GPC6: variants seen among roughly 807,000 people sequenced by gnomAD.
GPC6 encodes the protein glypican-6.
In GPC6, 14 loss-of-function variants were observed where a neutral mutation model predicts 55.2. The observed-to-expected ratio is 0.25, with a 90% confidence interval of 0.17 to 0.40. The LOEUF (loss-of-function observed/expected upper bound fraction) is 0.40, where lower values mean the gene tolerates loss of function less well. Among genes scored for constraint, GPC6 ranks in the 10% least tolerant of loss-of-function variants. The pLI is 1.00. For synonymous variants in GPC6, 278 were observed against 259.6 expected, an observed-to-expected ratio of 1.07 and a Z score of -0.68; for missense variants, 641 against 708.5, an observed-to-expected ratio of 0.90 and a Z score of 1.08.
chr13:93,456,471 T>A (rs980696727), intron 1 of GPC6, among the ~76,000 whole-genome samples: 4 of 152,128 alleles, frequency 2.6e-5, no homozygotes, highest in Non-Finnish European at 4.4e-5. Flanking sequence ...TTACTGTAAC[T>A]ATTAGTTGTT....
chr13:93,219,007 T>C, the GPC6 span, among the ~76,000 whole-genome samples: 70 of 151,402 alleles, frequency 4.6e-4, no homozygotes, highest in East Asian at 0.012. Flanking sequence ...TTGGTTCCAT[T>C]AAGATTTTTG....
intron 3 of GPC6, among the ~76,000 whole-genome samples, chr13:93,959,831 G>T (rs979563954): frequency 1.3e-5 from 2 of 152,062 alleles, no homozygotes; most frequent in African/African-American, 2.4e-5. Flanking sequence ...TAGAAATGAC[G>T]AAACTAAAGC....
At chr13:93,700,220 C>T (rs961306663) in intron 2 of GPC6, among the ~76,000 whole-genome samples, 4 of 152,026 alleles carry the variant, frequency 2.6e-5, no homozygotes, top group African/African-American at 9.7e-5. Flanking sequence ...AGGATTTATC[C>T]TAGCACACTG....
At chr13:93,579,959 C>G (rs139012634) in intron 2 of GPC6, among the ~76,000 whole-genome samples, 1 of 152,136 alleles carries the variant, frequency 6.6e-6, no homozygotes, top group African/African-American at 2.4e-5. Context: ...CTTAGGCTAT[C>G]AAAATATTGT....
intron 1 of GPC6, among the ~76,000 whole-genome samples, chr13:93,254,395 G>A (rs1876883219): frequency 6.6e-6 from 1 of 152,138 alleles, no homozygotes; most frequent in Non-Finnish European, 1.5e-5. Flanking sequence ...GTATGCTTGT[G>A]TACAAAATAT....
At chr13:93,304,124 C>T (rs1347087281) in intron 1 of GPC6, among the ~76,000 whole-genome samples, 1 of 152,100 alleles carries the variant, frequency 6.6e-6, no homozygotes, top group African/African-American at 2.4e-5. Context: ...CCTCGGCCTC[C>T]CACAGTGCTG....
At chr13:94,032,998 C>A (rs1272586044) in intron 4 of GPC6, among the ~76,000 whole-genome samples, 1 of 152,052 alleles carries the variant, frequency 6.6e-6, no homozygotes, top group Non-Finnish European at 1.5e-5. Flanking sequence ...TTGGTTTAGG[C>A]ATGGGAATGG....
intron 3 of GPC6, among the ~76,000 whole-genome samples, chr13:93,930,522 C>CTGGT (rs1878112941): frequency 6.6e-6 from 1 of 152,028 alleles, no homozygotes; most frequent in Non-Finnish European, 1.5e-5. Context: ...CCACCCACCA[C>CTGGT]GGCCTCCCAA....
chr13:93,510,270 A>G (rs1290708469), intron 1 of GPC6, among the ~76,000 whole-genome samples: 2 of 152,016 alleles, frequency 1.3e-5, no homozygotes, highest in East Asian at 3.9e-4. Context: ...GTTCCTTCTA[A>G]CTATATGTTT....
At chr13:93,869,261 A>G (rs557665743) in intron 3 of GPC6, among the ~76,000 whole-genome samples, 2 of 151,826 alleles carry the variant, frequency 1.3e-5, no homozygotes, top group African/African-American at 4.8e-5. Context: ...AGTATAGAAC[A>G]TTGATGACCT....
chr13:93,254,602 T>C (rs1289660313), intron 1 of GPC6, among the ~76,000 whole-genome samples: 1 of 152,198 alleles, frequency 6.6e-6, no homozygotes, highest in Non-Finnish European at 1.5e-5. Flanking sequence ...TTGCTTTATT[T>C]TTTAATTTTT....
chr13:93,321,199 T>A (rs1041154369), intron 1 of GPC6, among the ~76,000 whole-genome samples: 2 of 152,158 alleles, frequency 1.3e-5, no homozygotes, highest in Non-Finnish European at 2.9e-5. Context: ...GTTTGCTAAT[T>A]TCCCATCTTT....
At chr13:93,487,070 C>T (rs1161306465) in intron 1 of GPC6, among the ~76,000 whole-genome samples, 1 of 152,068 alleles carries the variant, frequency 6.6e-6, no homozygotes, top group Admixed American at 6.6e-5. Flanking sequence ...AGGGCTGATA[C>T]CTCGCAGTTT....
chr13:93,871,517 C>A (rs986597664), intron 3 of GPC6, among the ~76,000 whole-genome samples: 3 of 151,910 alleles, frequency 2.0e-5, no homozygotes, highest in African/African-American at 7.2e-5. Flanking sequence ...TTGCATGACA[C>A]CAGACTAAAC....
intron 2 of GPC6, among the ~76,000 whole-genome samples, chr13:93,605,983 C>G (rs1276932899): frequency 6.6e-6 from 1 of 151,266 alleles, no homozygotes; most frequent in Non-Finnish European, 1.5e-5. Flanking sequence ...TTAAGAAGGA[C>G]AGCTATATCA....
intron 1 of GPC6, among the ~76,000 whole-genome samples, chr13:93,480,809 TG>T (rs1879489340): frequency 1.3e-5 from 2 of 152,244 alleles, no homozygotes; most frequent in East Asian, 3.9e-4. Context: ...AATTTTCTAT[TG>T]TGTGAACATG....
At chr13:93,404,655 T>C (rs1261844173) in intron 1 of GPC6, among the ~76,000 whole-genome samples, 1 of 152,170 alleles carries the variant, frequency 6.6e-6, no homozygotes, top group Non-Finnish European at 1.5e-5. Flanking sequence ...TGATTAAACA[T>C]AGTCAGGAAA....
intron 1 of GPC6, among the ~76,000 whole-genome samples, chr13:93,238,325 AT>A (rs1320612972): frequency 3.9e-5 from 6 of 152,016 alleles, no homozygotes; most frequent in Admixed American, 2.0e-4. Flanking sequence ...TAAAAATTTT[AT>A]TGTTTTGCAG....
At chr13:93,422,574 CT>C (rs1302952051) in intron 1 of GPC6, among the ~76,000 whole-genome samples, 4 of 152,182 alleles carry the variant, frequency 2.6e-5, no homozygotes, top group African/African-American at 9.6e-5. Context: ...TCCTTTCAGT[CT>C]TTTTTCTTTG....
Sources: gnomAD v4.1 joint callset for allele counts (sites outside exome capture counted in the v4.1 genomes callset) on GRCh38, gnomAD v4.1.1 for gene constraint, MANE v1.5 for transcripts, NCBI Gene and HGNC (gene_info 2026-07-23, HGNC 2026-07-21) for gene names.